The following AGBL1 variants were observed in gnomAD, a reference collection of about 807,000 sequenced individuals.
AGBL1 encodes the protein AGBL carboxypeptidase 1, also known as cytosolic carboxypeptidase 4.
A neutral mutation model predicts 118.9 loss-of-function variants in AGBL1; 130 were observed. That is an observed-to-expected ratio of 1.09 (90% confidence interval 0.95 to 1.26). AGBL1 has a LOEUF of 1.26. AGBL1 is among the 50% of genes most tolerant of loss of function. The pLI, the probability that AGBL1 is intolerant of heterozygous loss-of-function variation, is 0.00. For missense variants in AGBL1, 1,584 were observed against 1,298.1 expected (o/e 1.22, Z -3.38); for synonymous variants, 555 against 478.9 (o/e 1.16, Z -2.08).
intron 18 of AGBL1, among the ~76,000 whole-genome samples, chr15:86,480,557 T>C (rs1247900128): frequency 6.6e-6 from 1 of 152,054 alleles, no homozygotes; most frequent in African/African-American, 2.4e-5. Flanking sequence ...AAGAGTTTAT[T>C]TGAATCTAGT....
intron 21 of AGBL1, among the ~76,000 whole-genome samples, chr15:86,596,777 C>A (rs2084412817): frequency 6.6e-6 from 1 of 152,184 alleles, no homozygotes; most frequent in African/African-American, 2.4e-5. Flanking sequence ...AATATCTCAT[C>A]TTCACCTTCA....
intron 17 of AGBL1, chr15:86,295,947 C>T (rs2079628859): frequency 6.4e-6 from 1 of 155,174 alleles, no homozygotes; most frequent in Admixed American, 6.2e-5. Flanking sequence ...CAAATATACG[C>T]ATATGGACAT....
chr15:86,288,390 A>C (rs1250928093), intron 16 of AGBL1, among the ~76,000 whole-genome samples: 1 of 152,168 alleles, frequency 6.6e-6, no homozygotes, highest in African/African-American at 2.4e-5. Context: ...TGGGATACCC[A>C]GATGTCTACT....
chr15:86,442,154 T>A (rs571699453), intron 18 of AGBL1, among the ~76,000 whole-genome samples: 2 of 152,182 alleles, frequency 1.3e-5, no homozygotes, highest in Non-Finnish European at 2.9e-5. Flanking sequence ...ACCAGCTATG[T>A]GGTGTGTGGT....
intron 22 of AGBL1, among the ~76,000 whole-genome samples, chr15:86,799,584 C>T (rs1158212174): frequency 2.6e-5 from 4 of 152,052 alleles, no homozygotes; most frequent in African/African-American, 7.2e-5. Flanking sequence ...GATATTGTGA[C>T]GGAATTATGT....
intron 21 of AGBL1, among the ~76,000 whole-genome samples, chr15:86,627,208 C>T (rs1331111428): frequency 6.6e-6 from 1 of 152,150 alleles, no homozygotes; most frequent in East Asian, 1.9e-4. Context: ...CCATGTTGGT[C>T]AGGCTAGTCT....
chr15:86,851,817 C>T (rs771487346), intron 22 of AGBL1, among the ~76,000 whole-genome samples: 3 of 151,988 alleles, frequency 2.0e-5, no homozygotes, highest in Non-Finnish European at 2.9e-5. Flanking sequence ...ATATTCTCCA[C>T]GAGTTGCTGG....
intron 22 of AGBL1, among the ~76,000 whole-genome samples, chr15:86,837,392 C>G (rs1596536477): frequency 6.6e-6 from 1 of 152,232 alleles, no homozygotes; most frequent in South Asian, 2.1e-4. Context: ...CAAGGGTCAC[C>G]AAATTACAGC....
intron 5 of AGBL1, among the ~76,000 whole-genome samples, chr15:86,170,367 C>T (rs2077397267): frequency 6.6e-6 from 1 of 152,018 alleles, no homozygotes; most frequent in Non-Finnish European, 1.5e-5. Context: ...TATGGGACAA[C>T]TTCAAGCAGC....
intron 21 of AGBL1, among the ~76,000 whole-genome samples, chr15:86,619,507 C>G (rs752396431): frequency 6.6e-6 from 1 of 152,224 alleles, no homozygotes; most frequent in African/African-American, 2.4e-5. Context: ...TTTGGGTGAC[C>G]TTTTTAGTTA....
chr15:86,546,227 T>A, intron 20 of AGBL1, 94 bp downstream of exon 20: 1 of 1,320,904 alleles, frequency 7.6e-7, no homozygotes, highest in Non-Finnish European at 9.9e-7. Flanking sequence ...TTTAGTTTTT[T>A]TTTTTTTTTG....
rs762370229 is a variant in AGBL1 at position 86,409,150 on chromosome 15, A to C, written c.2555+11604A>C. Reference sequence around the variant, plus strand: ...GTAGAGAATTTGCAGGGCATCCGCAATGCGTCTTCAGACAAGTGGAAGGAG... The same window carrying C: ...GTAGAGAATTTGCAGGGCATCCGCACTGCGTCTTCAGACAAGTGGAAGGAG... On this transcript the variant is annotated intron_variant, in intron 18 of 22. Transcript: ENST00000614907. Among the ~76,000 whole-genome samples, 37 of 152,294 alleles carry C rather than the reference A, an allele frequency of 2.4e-4. 1 individual carries two copies. Among genetic ancestry groups the C allele is most frequent in the Middle Eastern group, 3.4e-3 (1 of 294 alleles).
At chr15:86,199,766 T>G (rs918739611) in intron 5 of AGBL1, among the ~76,000 whole-genome samples, 1 of 152,242 alleles carries the variant, frequency 6.6e-6, no homozygotes, top group African/African-American at 2.4e-5. Flanking sequence ...TAAAAGTTTT[T>G]AAAATTTGCG....
intron 17 of AGBL1, among the ~76,000 whole-genome samples, chr15:86,321,136 T>C (rs979551503): frequency 1.3e-5 from 2 of 152,186 alleles, no homozygotes; most frequent in African/African-American, 4.8e-5. Context: ...TACTCTTTTA[T>C]TTTTAAATTC....
chr15:86,592,340 G>A (rs1189141819), intron 21 of AGBL1, among the ~76,000 whole-genome samples: 1 of 152,224 alleles, frequency 6.6e-6, no homozygotes, highest in African/African-American at 2.4e-5. Context: ...CAGAGGGAGA[G>A]ACCAAGGCAA....
At chr15:86,598,614 T>C (rs1414852724) in intron 21 of AGBL1, among the ~76,000 whole-genome samples, 1 of 152,120 alleles carries the variant, frequency 6.6e-6, no homozygotes, top group African/African-American at 2.4e-5. Context: ...TAATGACTTC[T>C]GCCAGAGTTA....
intron 21 of AGBL1, among the ~76,000 whole-genome samples, chr15:86,611,015 C>G (rs185412451): frequency 5.9e-5 from 9 of 152,158 alleles, no homozygotes; most frequent in Non-Finnish European, 1.2e-4. Flanking sequence ...GAATCTGTGT[C>G]TTAACAAGAC....
At chr15:86,501,563 G>T (rs1339641164) in intron 18 of AGBL1, among the ~76,000 whole-genome samples, 1 of 151,480 alleles carries the variant, frequency 6.6e-6, no homozygotes, top group Non-Finnish European at 1.5e-5. Context: ...TTTCTTCTAG[G>T]AGTTTTATAA....
chr15:86,755,149 T>C (rs186829492), intron 22 of AGBL1, among the ~76,000 whole-genome samples: 2 of 152,082 alleles, frequency 1.3e-5, no homozygotes, highest in East Asian at 3.9e-4. Flanking sequence ...GTCTGCTCTA[T>C]GGAAAAGACC....
Sources: gnomAD v4.1 joint callset for allele counts (sites outside exome capture counted in the v4.1 genomes callset) on GRCh38, gnomAD v4.1.1 for gene constraint, MANE v1.5 for transcripts, NCBI Gene and HGNC (gene_info 2026-07-23, HGNC 2026-07-21) for gene names.